Variants in GAB1 observed in about 807,000 individuals in gnomAD.
GAB1 encodes the protein GRB2-associated-binding protein 1.
A neutral mutation model predicts 66.5 loss-of-function variants in GAB1; 19 were observed. The observed-to-expected ratio is 0.29, with a 90% CI of 0.20 to 0.42. The LOEUF (loss-of-function observed/expected upper bound fraction) is 0.42, where lower values mean the gene tolerates loss of function less well. GAB1 is among the 10% of genes least tolerant of loss of function. The pLI, the probability that GAB1 is intolerant of heterozygous loss-of-function variation, is 1.00. For synonymous variants in GAB1, 294 were observed against 301.4 expected, an observed-to-expected ratio of 0.98 and a Z score of 0.25; for missense variants, 732 against 858.5, an observed-to-expected ratio of 0.85 and a Z score of 1.84.
intron 2 of GAB1, among the ~76,000 whole-genome samples, chr4:143,423,513 C>G (rs1733132941): frequency 6.6e-6 from 1 of 151,672 alleles, no homozygotes; most frequent in Admixed American, 6.6e-5. Context: ...CTGGCTAACA[C>G]AGTGAAACCC....
At chr4:143,463,516 G>A (rs1006213524) in intron 8 of GAB1, among the ~76,000 whole-genome samples, 7 of 151,454 alleles carry the variant, frequency 4.6e-5, no homozygotes, top group Non-Finnish European at 5.9e-5. Flanking sequence ...CCAGTTACTC[G>A]GGAGGCTGAG....
intron 1 of GAB1, among the ~76,000 whole-genome samples, chr4:143,414,674 A>G (rs1732585107): frequency 6.6e-6 from 1 of 151,380 alleles, no homozygotes. Context: ...CACCGCACCT[A>G]AAAAAAAGAG....
intron 2 of GAB1, among the ~76,000 whole-genome samples, chr4:143,428,089 T>C (rs1733459186): frequency 6.6e-6 from 1 of 152,214 alleles, no homozygotes; most frequent in Non-Finnish European, 1.5e-5. Flanking sequence ...TTGAATTCCC[T>C]AGACTGCATT....
chr4:143,411,177 G>C (rs193053548), intron 1 of GAB1, among the ~76,000 whole-genome samples: 1 of 152,250 alleles, frequency 6.6e-6, no homozygotes, highest in Admixed American at 6.5e-5. Context: ...GGAGGGTCCT[G>C]TGTACCCTGC....
At chr4:143,433,031 C>T (rs1002537750) in intron 2 of GAB1, among the ~76,000 whole-genome samples, 1 of 152,248 alleles carries the variant, frequency 6.6e-6, no homozygotes, top group Middle Eastern at 3.4e-3. Flanking sequence ...AAGAAAAGAA[C>T]GATCATCGAA....
rs543427735 is a variant in GAB1 at position 143,389,713 on chromosome 4, T to C, written c.73-25764T>C. Among the ~76,000 whole-genome samples, 10 of 152,356 alleles carry C rather than the reference T, an allele frequency of 6.6e-5. No individual in the cohort carries two copies. The South Asian group carries it at 2.1e-3, about 32-fold the overall frequency. On this transcript the variant is annotated intron_variant, in intron 1 of 9. Transcript: ENST00000262994. ...TGTTTACTATTCCATATCCAGTGTC[T>C]AGCAGTGTACTCATCAAACAGTAAG...
At chr4:143,350,273 T>C (rs1447737318) in intron 1 of GAB1, among the ~76,000 whole-genome samples, 2 of 152,252 alleles carry the variant, frequency 1.3e-5, no homozygotes, top group Non-Finnish European at 2.9e-5. Context: ...TAAGATAAAG[T>C]TGACAGCATA....
intron 6 of GAB1, among the ~76,000 whole-genome samples, chr4:143,445,063 G>T (rs1734438052): frequency 6.6e-6 from 1 of 152,150 alleles, no homozygotes; most frequent in Admixed American, 6.6e-5. Flanking sequence ...GCGAGTTCGT[G>T]TGTCTTTTTG....
intron 2 of GAB1, chr4:143,425,588 T>C (rs867287040): frequency 1.3e-6 from 1 of 762,930 alleles, no homozygotes; most frequent in Middle Eastern, 2.4e-4. Context: ...CTCGGGAAGT[T>C]CTGCGCGTGC....
In GAB1 at chr4:143,472,400, A is replaced by G. The variant is rs1444473923; in HGVS notation, c.*3211A>G. The G allele has an allele frequency of 6.6e-6, 1 of 152,206 alleles. No individual in the cohort carries two copies. Among genetic ancestry groups the G allele is most frequent in the African/African-American group, 2.4e-5 (1 of 41,462 alleles). The allele number at this position is 152,206 out of a possible 1,614,324, so 9.4% of individuals were successfully genotyped here. On this transcript the variant is annotated 3_prime_UTR_variant, in exon 10 of 10. Transcript: ENST00000262994. ...CTTTTATATTTAATTAATGGGGATT[A>G]TAGTCTTCCTTCATAAATGCATTTA...
intron 1 of GAB1, among the ~76,000 whole-genome samples, chr4:143,351,446 C>T (rs1242098357): frequency 6.6e-6 from 1 of 152,198 alleles, no homozygotes; most frequent in Non-Finnish European, 1.5e-5. Context: ...TCTTCTCCCG[C>T]CAACGAGTTC....
intron 6 of GAB1, among the ~76,000 whole-genome samples, chr4:143,449,362 G>A (rs549265513): frequency 2.6e-4 from 39 of 151,752 alleles, no homozygotes; most frequent in South Asian, 4.2e-4. Context: ...TTTCTGTCTC[G>A]TTGATCTGTC....
At chr4:143,450,994 T>G (rs1734899473) in intron 6 of GAB1, among the ~76,000 whole-genome samples, 1 of 152,104 alleles carries the variant, frequency 6.6e-6, no homozygotes, top group African/African-American at 2.4e-5. Flanking sequence ...TTTAAGCACC[T>G]ATCAGTTACA....
At chr4:143,430,968 T>C (rs1032396770) in intron 2 of GAB1, among the ~76,000 whole-genome samples, 4 of 152,212 alleles carry the variant, frequency 2.6e-5, no homozygotes, top group African/African-American at 9.6e-5. Context: ...TTAGGCTTTT[T>C]CTATGTCTCA....
In GAB1 at chr4:143,349,388, TC is replaced by T. The variant is rs571111406; in HGVS notation, c.72+12130del. ...GGAGACTTGGTAAATACAGTCTCTT[TC>T]CAGAGGTCAGGGGTCAGATAGCTGT... On this transcript the variant is annotated intron_variant, in intron 1 of 9. Transcript: ENST00000262994. 3.3e-4 allele frequency: 344 copies of T among 1,046,222 alleles called. No individual in the cohort carries two copies. In the African/African-American group the frequency reaches 4.4e-3, roughly 13 times the overall value. 64.8% of individuals were successfully genotyped at this position (1,046,222 alleles called of 1,614,324 possible). A position where few individuals can be genotyped will look rare whatever the true frequency, so the allele number is the denominator to read the frequency against.
chr4:143,447,070 G>T (rs1054356505), intron 6 of GAB1, among the ~76,000 whole-genome samples: 2 of 152,062 alleles, frequency 1.3e-5, no homozygotes, highest in Admixed American at 6.5e-5. Context: ...CCCATTTCTT[G>T]TTTTTCTCAG....
intron 1 of GAB1, among the ~76,000 whole-genome samples, chr4:143,390,359 C>A (rs148192460): frequency 6.6e-6 from 1 of 151,010 alleles, no homozygotes; most frequent in Non-Finnish European, 1.5e-5. Flanking sequence ...GAGATACCAC[C>A]GAAGAAAAAT....
chr4:143,438,640 A>C (rs1734067716), intron 4 of GAB1, 40 bp downstream of exon 4: 2 of 1,565,416 alleles, frequency 1.3e-6, no homozygotes, highest in African/African-American at 2.7e-5. Context: ...GAGGTTAATG[A>C]TAGAAAATCG....
chr4:143,460,375 T>G lies in GAB1; in HGVS notation c.1691T>G (p.Phe564Cys). ...TRSFARDSSR[F>C]PMSPRPDSVH... ...ATTTCTGTAATTAGCTCTTCCAGGT[T>G]TCCCATGTCCCCCCGACCAGATTCA... The change falls in exon 8 of 10, where the codon TTT (phenylalanine) becomes TGT (cysteine). Residue 564 changes from phenylalanine (F) to cysteine (C), a missense_variant. By Grantham distance (205) the Phe-to-Cys change is radical. Coordinates refer to ENST00000262994, the MANE Select transcript of GAB1 (RefSeq NM_002039.4). 1 of 1,613,738 alleles carries G rather than the reference T, an allele frequency of 6.2e-7. No homozygotes were observed. Among genetic ancestry groups the G allele is most frequent in the Non-Finnish European group, 8.5e-7 (1 of 1,179,724 alleles).
Sources: allele counts gnomAD v4.1 joint callset (sites outside exome capture counted in the v4.1 genomes callset), GRCh38; gene constraint gnomAD v4.1.1; transcripts MANE v1.5; gene names NCBI Gene and HGNC (gene_info 2026-07-23, HGNC 2026-07-21).